Variants in GAS2 observed in about 807,000 individuals in gnomAD.
GAS2 encodes the protein growth arrest-specific protein 2.
GAS2 carries 20 observed loss-of-function variants against 37.5 expected under a neutral mutation model. The ratio of observed to expected loss-of-function variants is 0.53; its 90% confidence interval spans 0.37 to 0.77. The LOEUF (loss-of-function observed/expected upper bound fraction) is 0.77, where lower values mean the gene tolerates loss of function less well. Among genes scored for constraint, GAS2 ranks in the 30% least tolerant of loss-of-function variants. The pLI is 0.00. For synonymous variants in GAS2, 144 were observed against 132.2 expected (o/e 1.09, Z -0.61); for missense variants, 336 against 373.4 (o/e 0.90, Z 0.82).
At position 22,743,373 on chromosome 11, in the gene GAS2, A is replaced by T. The variant is rs186942421; in HGVS notation, c.473+5605A>T. ...CAGTTTCCAGATTGTACAACACTTA[A>T]TTTGTCAATTAACTTATCAACAATC... On this transcript the variant is annotated intron_variant, in intron 5 of 7. Coordinates refer to ENST00000454584, the MANE Select transcript of GAS2 (RefSeq NM_001143830.3). 1.4e-4 allele frequency among the ~76,000 whole-genome samples: 22 copies of T among 152,194 alleles called. No individual in the cohort carries two copies. The East Asian group carries it at 2.5e-3, about 17-fold the overall frequency.
At chr11:22,660,404 C>T (rs1848902885) in intron 1 of GAS2, among the ~76,000 whole-genome samples, 1 of 152,176 alleles carries the variant, frequency 6.6e-6, no homozygotes, top group South Asian at 2.1e-4. Context: ...TTAACAATAA[C>T]ATACCTAACA....
intron 3 of GAS2, among the ~76,000 whole-genome samples, chr11:22,698,003 G>C (rs1397785847): frequency 6.6e-6 from 1 of 152,134 alleles, no homozygotes; most frequent in East Asian, 1.9e-4. Context: ...TGGTGAGAGA[G>C]GGCATCCCTG....
At chr11:22,750,335 T>G (rs774203451) in intron 6 of GAS2, among the ~76,000 whole-genome samples, 16 of 152,100 alleles carry the variant, frequency 1.1e-4, no homozygotes, top group Middle Eastern at 3.2e-3. Flanking sequence ...TTTCTCTGAC[T>G]TTTGCTTTTC....
rs553087522 is a variant in GAS2, at chr11:22,796,235, C to T, written c.724-15563C>T. Among the ~76,000 whole-genome samples the T allele has an allele frequency of 2.6e-5, 4 of 152,184 alleles. No individual in the cohort carries two copies. The East Asian group carries it at 7.7e-4, about 29-fold the overall frequency. On this transcript the variant is annotated intron_variant, in intron 7 of 7. Coordinates refer to ENST00000454584, the MANE Select transcript of GAS2 (RefSeq NM_001143830.3). ...CCAATCCTTATACCAATTTTCAACC[C>T]ATTCTCCTTTATTAAACTGCATTTT...
chr11:22,685,538 T>C lies in GAS2; in HGVS notation c.146-130T>C, dbSNP rs142450193. ...ATTCCAAAGAAATGACTATTTCTGG[T>C]AAGCTCCTATCCCAGTTATGTAACT... On this transcript the variant is annotated intron_variant, in intron 2 of 7. Coordinates refer to ENST00000454584, the MANE Select transcript of GAS2 (RefSeq NM_001143830.3). The C allele has an allele frequency of 6.3e-4, 532 of 847,494 alleles. 3 individuals are homozygous for C. The African/African-American group carries it at 8.2e-3, about 13-fold the overall frequency. The allele number at this position is 847,494 out of a possible 1,614,324, so 52.5% of individuals were successfully genotyped here.
chr11:22,796,355 A>G (rs1856428522), intron 7 of GAS2, among the ~76,000 whole-genome samples: 1 of 152,108 alleles, frequency 6.6e-6, no homozygotes, highest in African/African-American at 2.4e-5. Flanking sequence ...GACAGCTGCC[A>G]TTTCAAGCTT....
chr11:22,711,052 G>A (rs1762691627), intron 3 of GAS2, among the ~76,000 whole-genome samples: 1 of 152,220 alleles, frequency 6.6e-6, no homozygotes, highest in Admixed American at 6.5e-5. Context: ...GAACATCACA[G>A]GAACAAATCA....
At chr11:22,759,334 A>C (rs1180978964) in intron 7 of GAS2, among the ~76,000 whole-genome samples, 2 of 152,200 alleles carry the variant, frequency 1.3e-5, no homozygotes, top group East Asian at 3.8e-4. Context: ...GTACTTTTGT[A>C]GACAGGCTTG....
intron 7 of GAS2, among the ~76,000 whole-genome samples, chr11:22,808,371 A>G (rs1390908885): frequency 6.6e-6 from 1 of 152,246 alleles, no homozygotes; most frequent in African/African-American, 2.4e-5. Context: ...TGTGGTAAGA[A>G]TATTGGACTG....
chr11:22,723,900 T>A lies in GAS2; in HGVS notation c.268-2392T>A, dbSNP rs541046428. ...CTTGCCTACTACTTTGATTTTTTTT[T>A]AAATTTGGTAGTATTGATAAAATAT... On this transcript the variant is annotated intron_variant, in intron 3 of 7. Coordinates refer to ENST00000454584, the MANE Select transcript of GAS2 (RefSeq NM_001143830.3). 2.6e-5 allele frequency among the ~76,000 whole-genome samples: 4 copies of A among 152,046 alleles called. No homozygotes were observed. In the South Asian group the frequency reaches 8.3e-4, roughly 32 times the overall value.
chr11:22,740,390 A>C (rs142564039), intron 5 of GAS2, among the ~76,000 whole-genome samples: 1 of 152,324 alleles, frequency 6.6e-6, no homozygotes, highest in East Asian at 1.9e-4. Context: ...TTACATTAAA[A>C]TATTTAATTT....
At chr11:22,675,447 G>C (rs923340128) in intron 2 of GAS2, among the ~76,000 whole-genome samples, 1 of 152,060 alleles carries the variant, frequency 6.6e-6, no homozygotes, top group Non-Finnish European at 1.5e-5. Context: ...CCAAACTCAG[G>C]AACAAAATCA....
At chr11:22,747,405 T>G (rs1047040030) in intron 5 of GAS2, among the ~76,000 whole-genome samples, 1 of 152,108 alleles carries the variant, frequency 6.6e-6, no homozygotes, top group African/African-American at 2.4e-5. Flanking sequence ...GCCTACAGTC[T>G]TTTAGCAAGT....
chr11:22,696,695 G>C (rs963597714), intron 3 of GAS2, among the ~76,000 whole-genome samples: 2 of 150,978 alleles, frequency 1.3e-5, no homozygotes, highest in Non-Finnish European at 3.0e-5. Context: ...GATGGCCAGT[G>C]ATGATGAGCA....
At chr11:22,727,535 A>C (rs919231924) in intron 4 of GAS2, among the ~76,000 whole-genome samples, 1 of 152,024 alleles carries the variant, frequency 6.6e-6, no homozygotes, top group African/African-American at 2.4e-5. Context: ...GTGATATGGC[A>C]AAGAAATACC....
At chr11:22,631,946 C>CTT (rs35928910) in intron 1 of GAS2, among the ~76,000 whole-genome samples, 4 of 82,960 alleles carry the variant, frequency 4.8e-5, no homozygotes, top group Non-Finnish European at 4.9e-5. Context: ...TGGCCCTGGA[C>CTT]TTTTTTTTTT....
At chr11:22,684,904 A>G (rs900662855) in intron 2 of GAS2, among the ~76,000 whole-genome samples, 10 of 152,234 alleles carry the variant, frequency 6.6e-5, no homozygotes, top group African/African-American at 2.4e-4. Flanking sequence ...AACCATTTCA[A>G]TAGAATCTAG....
chr11:22,667,813 A>G (rs1590593214), intron 1 of GAS2, among the ~76,000 whole-genome samples: 1 of 152,060 alleles, frequency 6.6e-6, no homozygotes, highest in East Asian at 1.9e-4. Context: ...TTCCCAGTTA[A>G]CCTTTTTGAA....
intron 4 of GAS2, among the ~76,000 whole-genome samples, chr11:22,727,356 A>C (rs541970524): frequency 6.6e-6 from 1 of 152,092 alleles, no homozygotes; most frequent in East Asian, 1.9e-4. Context: ...AAGTAAGGTG[A>C]GCATCCTTCA....
Sources: allele counts gnomAD v4.1 joint callset (sites outside exome capture counted in the v4.1 genomes callset), GRCh38; gene constraint gnomAD v4.1.1; transcripts MANE v1.5; gene names NCBI Gene and HGNC (gene_info 2026-07-23, HGNC 2026-07-21).